The following DSN1 variants were observed in gnomAD, a reference collection of about 807,000 sequenced individuals.
DSN1 encodes kinetochore-associated protein DSN1 homolog.
Under a neutral mutation model 45.7 loss-of-function variants are expected in DSN1, and 31 were observed. The observed-to-expected ratio is 0.68, with a 90% CI of 0.51 to 0.92. The LOEUF is 0.92. Among genes scored for constraint, DSN1 ranks in the 40% least tolerant of loss-of-function variants. The pLI is 0.00. For synonymous variants in DSN1, 134 were observed against 142.3 expected (o/e 0.94, Z 0.41); for missense variants, 394 against 414.2 (o/e 0.95, Z 0.42).
At chr20:36,757,275 G>C (rs1020047518) in intron 8 of DSN1, among the ~76,000 whole-genome samples, 1 of 152,058 alleles carries the variant, frequency 6.6e-6, no homozygotes, top group African/African-American at 2.4e-5. Flanking sequence ...AGAATCGCCT[G>C]AACTAGGGAG....
At chr20:36,754,875 CT>C (rs1255368466) in intron 9 of DSN1, 25 bp from the exon 10 acceptor site, 1 of 1,602,940 alleles carries the variant, frequency 6.2e-7, no homozygotes, top group Admixed American at 1.7e-5. Context: ...CAGCTGTGAG[CT>C]GTAAAGGTCC....
intron 6 of DSN1, among the ~76,000 whole-genome samples, chr20:36,761,165 TTA>T (rs1389585344): frequency 2.6e-5 from 4 of 152,234 alleles, no homozygotes; most frequent in African/African-American, 4.8e-5. Context: ...AAGATGTGAA[TTA>T]TGTTTTTCCC....
intron 5 of DSN1, 26 bp from the exon 6 acceptor site, chr20:36,762,574 T>C (rs1987058813): frequency 2.5e-6 from 4 of 1,599,612 alleles, no homozygotes; most frequent in Middle Eastern, 3.4e-4. Flanking sequence ...TTACGTGTCA[T>C]AAAATAAAGG....
At chr20:36,773,291 G>T (rs1987744949) in intron 1 of DSN1, 1 of 774,846 alleles carries the variant, frequency 1.3e-6, no homozygotes, top group Non-Finnish European at 1.6e-6. Context: ...GCAGACAGGG[G>T]AACTGAGGTT....
intron 10 of DSN1, 52 bp downstream of exon 10, chr20:36,754,711 G>T (rs2148256180): frequency 6.6e-7 from 1 of 1,512,384 alleles, no homozygotes; most frequent in East Asian, 2.3e-5. Flanking sequence ...GTATCCCAAA[G>T]GCTATCATGG....
intron 3 of DSN1, 79 bp downstream of exon 3, chr20:36,770,794 C>A: frequency 6.8e-7 from 1 of 1,479,738 alleles, no homozygotes; most frequent in Admixed American, 2.1e-5. Flanking sequence ...TCTGCCATAC[C>A]TCACTGCCTC....
At chr20:36,771,621 G>A (rs2148287598) in intron 1 of DSN1, 148 bp from the exon 2 acceptor site, 3 of 640,882 alleles carry the variant, frequency 4.7e-6, no homozygotes, top group South Asian at 4.0e-5. Flanking sequence ...TATCAGCAGG[G>A]GCCATCACCT....
intron 8 of DSN1, among the ~76,000 whole-genome samples, chr20:36,756,616 T>G (rs533677397): frequency 6.6e-6 from 1 of 152,314 alleles, no homozygotes; most frequent in East Asian, 1.9e-4. Flanking sequence ...ACTTTACATT[T>G]AACCTAATTT....
intron 5 of DSN1, 70 bp from the exon 6 acceptor site, chr20:36,762,618 G>T: frequency 1.5e-6 from 2 of 1,371,378 alleles, no homozygotes; most frequent in South Asian, 2.6e-5. Flanking sequence ...TGCTGACAAA[G>T]GTATATTAAG....
intron 5 of DSN1, among the ~76,000 whole-genome samples, chr20:36,763,410 GAA>G (rs71186016): frequency 2.4e-5 from 2 of 84,100 alleles, no homozygotes; most frequent in African/African-American, 9.6e-5. Flanking sequence ...CTCAAAAAAA[GAA>G]AAAAAAAAAA....
intron 10 of DSN1, among the ~76,000 whole-genome samples, chr20:36,754,436 G>A (rs1313348172): frequency 1.3e-5 from 2 of 152,178 alleles, no homozygotes; most frequent in African/African-American, 4.8e-5. Flanking sequence ...CTAGGGAGGA[G>A]TAATGTCAGT....
At chr20:36,768,520 C>T (rs181681260) in intron 3 of DSN1, among the ~76,000 whole-genome samples, 2 of 152,306 alleles carry the variant, frequency 1.3e-5, no homozygotes, top group Admixed American at 1.3e-4. Flanking sequence ...AGATTACAGG[C>T]ATGCGCCACC....
chr20:36,752,075 GAC>G lies in DSN1; in HGVS notation c.*711_*712del, dbSNP rs1276275370. 2 of 151,378 alleles carry G rather than the reference GAC, an allele frequency of 1.3e-5. No individual in the cohort carries two copies. Among genetic ancestry groups the G allele is most frequent in the Non-Finnish European group, 2.9e-5 (2 of 67,844 alleles). The allele number at this position is 151,378 out of a possible 1,614,324, so 9.4% of individuals were successfully genotyped here. On this transcript the variant is annotated 3_prime_UTR_variant, in exon 11 of 11. Transcript: ENST00000373750. ...TTTTACAATTTTTAATTTTTTTTAA[GAC>G]AGTGTCTCACTCTGTCGCTCAGGCT...
intron 10 of DSN1, among the ~76,000 whole-genome samples, chr20:36,753,481 T>G (rs1272840252): frequency 3.4e-5 from 5 of 148,712 alleles, no homozygotes; most frequent in Non-Finnish European, 5.9e-5. Flanking sequence ...CTACTAAAAA[T>G]ACAAAAATTA....
chr20:36,762,011 AAAAT>A (rs1199584451), intron 6 of DSN1, among the ~76,000 whole-genome samples: 1 of 152,102 alleles, frequency 6.6e-6, no homozygotes, highest in Admixed American at 6.6e-5. Flanking sequence ...TCCGAATCAA[AAAAT>A]AAATAAATAA....
intron 5 of DSN1, 74 bp from the exon 6 acceptor site, chr20:36,762,622 T>C: frequency 1.4e-6 from 2 of 1,381,378 alleles, no homozygotes; most frequent in Non-Finnish European, 1.0e-6. Flanking sequence ...GACAAAGGTA[T>C]ATTAAGGTAG....
At position 36,762,507 on chromosome 20, in the gene DSN1, G is replaced by A; in HGVS notation, c.544C>T (p.Leu182=). 1 of 1,613,842 alleles carries A rather than the reference G, an allele frequency of 6.2e-7. No homozygotes were observed. Among genetic ancestry groups the A allele is most frequent in the Non-Finnish European group, 8.5e-7 (1 of 1,179,896 alleles). The change falls in exon 6 of 11, where the codon CTG becomes TTG. Residue 182 remains leucine (L), a synonymous_variant. Transcript: ENST00000373750. The stretch of plus-strand genomic sequence containing the variant: ...TTTTGTAGAGTTCCATCAGTTTCCA[G>A]TCCGTCTGCAAAATGTTTCAATTCT... ...SEELKHFADG[L]ETDGTLQKCF... is the part of the protein sequence containing the mutation.
In DSN1 at chr20:36,752,779, C is replaced by T. The variant is rs1986441463; in HGVS notation, c.*9G>A. 12 of 1,612,116 alleles carry T rather than the reference C, an allele frequency of 7.4e-6. No individual in the cohort carries two copies. Among genetic ancestry groups the T allele is most frequent in the Non-Finnish European group, 1.0e-5 (12 of 1,178,142 alleles). Reference sequence around the variant, plus strand: ...TCTTGGGCACCTTGTGGCAGAAACTCTCATAAAGTCACTGACAAGATCCAG... The same window carrying T: ...TCTTGGGCACCTTGTGGCAGAAACTTTCATAAAGTCACTGACAAGATCCAG... On this transcript the variant is annotated 3_prime_UTR_variant, in exon 11 of 11. Coordinates refer to ENST00000373750, the MANE Select transcript of DSN1 (RefSeq NM_001145315.2).
chr20:36,762,196 T>C (rs1166684449), intron 6 of DSN1, among the ~76,000 whole-genome samples: 1 of 143,738 alleles, frequency 7.0e-6, no homozygotes, highest in Non-Finnish European at 1.5e-5. Context: ...AAGCTCCGCA[T>C]ACCGGGTTCA....
Sources: gnomAD v4.1 joint callset for allele counts (sites outside exome capture counted in the v4.1 genomes callset) on GRCh38, gnomAD v4.1.1 for gene constraint, MANE v1.5 for transcripts, NCBI Gene and HGNC (gene_info 2026-07-23, HGNC 2026-07-21) for gene names.